The following LSG1 variants were observed in gnomAD, a reference collection of about 807,000 sequenced individuals.
LSG1 encodes the protein large subunit GTPase 1 homolog.
Under a neutral mutation model 82.6 loss-of-function variants are expected in LSG1, and 55 were observed. The ratio of observed to expected loss-of-function variants is 0.67; its 90% CI spans 0.54 to 0.83. LSG1 has a LOEUF of 0.83. Ranked by LOEUF, LSG1 falls within the 40% of genes least tolerant of loss-of-function variation. LSG1 has a pLI of 0.00. For synonymous variants in LSG1, 272 were observed against 282.5 expected (o/e 0.96, Z 0.37); for missense variants, 809 against 807.9 (o/e 1.00, Z -0.02).
At position 194,641,004 on chromosome 3, in the gene LSG1, G is replaced by C. The variant is rs1319502509; in HGVS notation, c.*1064C>G. 1 of 152,236 alleles carries C rather than the reference G, an allele frequency of 6.6e-6. No individual in the cohort carries two copies. Among genetic ancestry groups the C allele is most frequent in the Middle Eastern group, 3.2e-3 (1 of 316 alleles). The allele number at this position is 152,236 out of a possible 1,614,324, so 9.4% of individuals were successfully genotyped here. On this transcript the variant is annotated 3_prime_UTR_variant, in exon 14 of 14. Transcript: ENST00000265245. ...CAGATGTGATGAGGACTCAATATCA[G>C]GAGAACAGCACTGAGCGGGTGGTGC...
intron 2 of LSG1, 129 bp downstream of exon 2, chr3:194,669,880 G>A: frequency 9.4e-7 from 1 of 1,065,524 alleles, no homozygotes; most frequent in South Asian, 1.6e-5. Flanking sequence ...GCAGTGAGCT[G>A]ATATCACGCC....
intron 13 of LSG1, among the ~76,000 whole-genome samples, chr3:194,644,088 C>T (rs575296977): frequency 2.8e-4 from 42 of 152,174 alleles, no homozygotes; most frequent in African/African-American, 8.7e-4. Context: ...TTCGGCCGGG[C>T]GCGGTGGCTC....
chr3:194,672,158 C>G lies in LSG1; in HGVS notation c.5G>C (p.Gly2Ala). 1.2e-6 allele frequency: 2 copies of G among 1,600,604 alleles called. No individual in the cohort carries two copies. The highest frequency in any genetic ancestry group is 1.7e-6 in the Non-Finnish European group (2 of 1,178,236). Residue 2 changes from glycine (G) to alanine (A), a missense_variant, in exon 1 of 14, where the codon GGC (glycine) becomes GCC (alanine). Coordinates refer to ENST00000265245, the MANE Select transcript of LSG1 (RefSeq NM_018385.3). The part of the protein sequence containing the change: M[G>A]RRRAPAGGSL... ...CCCACCGGCCGGGGCTCTCCTCCGG[C>G]CCATGGCAACACGACCGCTGGACGA...
At chr3:194,653,800 G>A (rs537927738) in intron 7 of LSG1, among the ~76,000 whole-genome samples, 6 of 152,272 alleles carry the variant, frequency 3.9e-5, no homozygotes, top group African/African-American at 1.2e-4. Flanking sequence ...CTTGGGTGGC[G>A]GAGGTGGGAG....
intron 2 of LSG1, among the ~76,000 whole-genome samples, chr3:194,667,009 G>A (rs1374077556): frequency 2.0e-5 from 3 of 152,126 alleles, no homozygotes; most frequent in Non-Finnish European, 4.4e-5. Flanking sequence ...TGGGGTAGAT[G>A]CTGAGAAGTA....
chr3:194,671,140 T>C (rs573051175), intron 1 of LSG1, among the ~76,000 whole-genome samples: 10 of 152,240 alleles, frequency 6.6e-5, no homozygotes, highest in African/African-American at 2.4e-4. Flanking sequence ...TAAATAAATA[T>C]TAAGGGCCAA....
chr3:194,664,537 C>A (rs1198930655), intron 5 of LSG1, among the ~76,000 whole-genome samples: 1 of 152,126 alleles, frequency 6.6e-6, no homozygotes, highest in African/African-American at 2.4e-5. Flanking sequence ...CAGGAATTCT[C>A]CTTAGCATTA....
Position 194,648,720 on chromosome 3 carries a change from G to A in LSG1, c.1504C>T (p.Arg502Ter), listed in dbSNP as rs891363347. 7.4e-6 allele frequency: 12 copies of A among 1,613,796 alleles called. No individual in the cohort carries two copies. Among genetic ancestry groups the A allele is most frequent in the African/African-American group, 1.3e-5 (1 of 74,878 alleles). ...ITPREDEDPHRPPTSEELLTA... is the reference protein window; with the variant it reads ...ITPREDEDPH Reference sequence around the variant, plus strand: ...AACAGTTCTTCCGATGTTGGAGGTCGGTGGGGATCTTCATCCTCTCTAGGC... The same window carrying A: ...AACAGTTCTTCCGATGTTGGAGGTCAGTGGGGATCTTCATCCTCTCTAGGC... The change falls in exon 11 of 14, where the codon CGA (arginine) becomes TGA (stop). Residue 502 changes from arginine (R) to a stop codon, truncating the protein, a stop_gained. Transcript: ENST00000265245. LOFTEE classifies it high-confidence loss of function.
At chr3:194,651,092 G>A in intron 9 of LSG1, 23 bp downstream of exon 9, 1 of 1,613,868 alleles carries the variant, frequency 6.2e-7, no homozygotes, top group East Asian at 2.2e-5. Context: ...CTGCATGCAA[G>A]TGGCAAAGCA....
chr3:194,653,727 T>C lies in LSG1; in HGVS notation c.760-585A>G, dbSNP rs142449026. ...TTGAACTCTGTACAAAGAACATGTA[T>C]TACTTTTGTAATTTAAAATAACTCT... is the stretch of plus-strand genomic sequence containing the variant. On this transcript the variant is annotated intron_variant, in intron 7 of 13. Transcript: ENST00000265245. Among the ~76,000 whole-genome samples, 5 of 152,290 alleles carry C rather than the reference T, an allele frequency of 3.3e-5. No individual in the cohort carries two copies. The East Asian group carries it at 9.7e-4, about 29-fold the overall frequency.
Position 194,650,991 on chromosome 3 carries a change from C to T in LSG1, c.1309G>A (p.Asp437Asn). The T allele has an allele frequency of 1.2e-6, 2 of 1,614,164 alleles. No individual in the cohort carries two copies. Among genetic ancestry groups the T allele is most frequent in the South Asian group, 2.2e-5 (2 of 91,058 alleles). The change falls in exon 10 of 14, where the codon GAC (aspartate) becomes AAC (asparagine). Residue 437 changes from aspartate to asparagine, a missense_variant. Coordinates refer to ENST00000265245, the MANE Select transcript of LSG1 (RefSeq NM_018385.3). ...GATGGCATCACCAAGCCAGGACAGT[C>T]ACACAGGCAGAGGCCAGGCTCCACA... ...LYVEPGLCLCDCPGLVMPSFV... is the reference protein window; with the variant it reads ...LYVEPGLCLCNCPGLVMPSFV...
chr3:194,664,969 C>T (rs1400596090), intron 5 of LSG1, among the ~76,000 whole-genome samples: 3 of 152,010 alleles, frequency 2.0e-5, no homozygotes, highest in Non-Finnish European at 4.4e-5. Context: ...AAAACCACCC[C>T]GTGATTTCCT....
intron 1 of LSG1, chr3:194,671,855 A>C (rs1252381789): frequency 4.9e-6 from 3 of 618,044 alleles, no homozygotes; most frequent in Middle Eastern, 6.3e-4. Context: ...TCATCACCAC[A>C]CTAACTCTTC....
Position 194,652,921 on chromosome 3 carries a change from G to C in LSG1, c.981C>G (p.Pro327=). The C allele has an allele frequency of 6.2e-7, 1 of 1,614,040 alleles. No homozygotes were observed. Among genetic ancestry groups the C allele is most frequent in the Non-Finnish European group, 8.5e-7 (1 of 1,180,030 alleles). The change falls in exon 8 of 14, where the codon CCC becomes CCG. Residue 327 remains proline, a synonymous_variant. Coordinates refer to ENST00000265245, the MANE Select transcript of LSG1 (RefSeq NM_018385.3). ...AGTCCTGGCTGCAGTCCTCTTCCTT[G>C]GGACCGTCTTCTTCTGAGCACGTCT... The part of the protein sequence containing the change: ...DWQTCSEEDG[P]KEEDCSQDWK...
Position 194,645,776 on chromosome 3 carries a change from G to A in LSG1, c.1623+388C>T, listed in dbSNP as rs377178081. ...ACATATTTGTACTGAGAAGACGCAC[G>A]TAAAACAGAACTATTTCTAGCAGGG... On this transcript the variant is annotated intron_variant, in intron 12 of 13. Coordinates refer to ENST00000265245, the MANE Select transcript of LSG1 (RefSeq NM_018385.3). Among the ~76,000 whole-genome samples, 12 of 152,192 alleles carry A rather than the reference G, an allele frequency of 7.9e-5. No homozygotes were observed. In the East Asian group the frequency reaches 9.6e-4, roughly 12 times the overall value.
chr3:194,647,040 C>T (rs1225857934), intron 11 of LSG1, among the ~76,000 whole-genome samples: 1 of 152,204 alleles, frequency 6.6e-6, no homozygotes, highest in African/African-American at 2.4e-5. Flanking sequence ...GTTCAAAACT[C>T]AGTTCCCTCA....
chr3:194,659,225 G>T, intron 6 of LSG1, 92 bp from the exon 7 acceptor site: 2 of 989,124 alleles, frequency 2.0e-6, no homozygotes, highest in Non-Finnish European at 1.5e-6. Context: ...AGTTTTTACT[G>T]CCCCTAGTTT....
At chr3:194,663,374 C>T (rs1468412205) in intron 5 of LSG1, among the ~76,000 whole-genome samples, 1 of 149,030 alleles carries the variant, frequency 6.7e-6, no homozygotes, top group Non-Finnish European at 1.5e-5. Flanking sequence ...CTTCTTCCGC[C>T]TCAGAGAAAG....
At position 194,648,735 on chromosome 3, in the gene LSG1, C is replaced by A; in HGVS notation, c.1489G>T (p.Asp497Tyr). 1 of 1,614,068 alleles carries A rather than the reference C, an allele frequency of 6.2e-7. No homozygotes were observed. The highest frequency in any genetic ancestry group is 8.5e-7 in the Non-Finnish European group (1 of 1,179,986). ...YGINIITPREDEDPHRPPTSE... is the reference protein window; with the variant it reads ...YGINIITPREYEDPHRPPTSE... ...GTTGGAGGTCGGTGGGGATCTTCAT[C>A]CTCTCTAGGCGTTATGATGTTAATG... Residue 497 changes from aspartate to tyrosine, a missense_variant, in exon 11 of 14, where the codon GAT (aspartate) becomes TAT (tyrosine). By Grantham distance (160) the Asp-to-Tyr change is radical. Transcript: ENST00000265245.
Sources: allele counts gnomAD v4.1 joint callset (sites outside exome capture counted in the v4.1 genomes callset), GRCh38; gene constraint gnomAD v4.1.1; transcripts MANE v1.5; gene names NCBI Gene and HGNC (gene_info 2026-07-23, HGNC 2026-07-21).